Variants in BMP2K observed in about 807,000 individuals in gnomAD.
BMP2K encodes the protein BMP2 inducible kinase.
A neutral mutation model predicts 116.0 loss-of-function variants in BMP2K; 74 were observed. The observed-to-expected ratio is 0.64, with a 90% CI of 0.53 to 0.77. BMP2K has a LOEUF of 0.77. BMP2K is among the 30% of genes least tolerant of loss of function. The pLI is 0.00. For synonymous variants in BMP2K, 486 were observed against 502.5 expected, an observed-to-expected ratio of 0.97 and a Z score of 0.44; for missense variants, 1,365 against 1,403.6, an observed-to-expected ratio of 0.97 and a Z score of 0.44.
chr4:78,783,532 A>C (rs1270419427), intron 1 of BMP2K, among the ~76,000 whole-genome samples: 1 of 152,106 alleles, frequency 6.6e-6, no homozygotes, highest in Non-Finnish European at 1.5e-5. Context: ...CAGGATGGGC[A>C]TGGTGGCTCA....
chr4:78,910,950 C>G lies in BMP2K; in HGVS notation c.2403C>G (p.Ser801Arg), dbSNP rs1734559604. The change falls in exon 16 of 16, where the codon AGC (serine) becomes AGG (arginine). Residue 801 changes from serine to arginine, a missense_variant. By Grantham distance (110) the Ser-to-Arg change is moderately radical (BLOSUM62 -1). Coordinates refer to ENST00000502613, the MANE Select transcript of BMP2K (RefSeq NM_198892.2). ...ATGAGGAAGAAGAGGAGAAACATAG[C>G]TCTGATTCTGATTATGAGCAGGCTA... ...SEDEEEEEKH[S>R]SDSDYEQAKA... 5 of 1,613,576 alleles carry G rather than the reference C, an allele frequency of 3.1e-6. No homozygotes were observed. The South Asian group carries it at 5.5e-5, about 18-fold the overall frequency.
chr4:78,895,649 A>G (rs1733663771), intron 15 of BMP2K, among the ~76,000 whole-genome samples: 1 of 152,198 alleles, frequency 6.6e-6, no homozygotes, highest in Admixed American at 6.6e-5. Context: ...GTTGGGATGT[A>G]GATGGGAATT....
rs1381227532 is a variant in BMP2K, at chr4:78,911,419, C to G, written c.2872C>G (p.Pro958Ala). 2 of 1,613,998 alleles carry G rather than the reference C, an allele frequency of 1.2e-6. No individual in the cohort carries two copies. The highest frequency in any genetic ancestry group is 1.1e-5 in the South Asian group (1 of 91,086). Residue 958 changes from proline to alanine, a missense_variant, in exon 16 of 16, where the codon CCC becomes GCC. Physicochemically the swap from Pro to Ala is conservative, Grantham distance 27 (BLOSUM62 -1). Transcript: ENST00000502613. ...CAATGAGGACCTTTTTGGGCTTGTG[C>G]CCTTTGATGAAATAACGGGGAGCCA... Reference protein sequence around the residue: ...ESNEDLFGLVPFDEITGSQQQ... With the variant: ...ESNEDLFGLVAFDEITGSQQQ...
chr4:78,812,015 C>T (rs1729117481), intron 1 of BMP2K, among the ~76,000 whole-genome samples: 1 of 151,978 alleles, frequency 6.6e-6, no homozygotes, highest in South Asian at 2.1e-4. Context: ...CTCTTATCAC[C>T]CAGGCTAGAG....
At chr4:78,821,331 T>G (rs879864049) in intron 1 of BMP2K, among the ~76,000 whole-genome samples, 3 of 152,194 alleles carry the variant, frequency 2.0e-5, no homozygotes, top group Non-Finnish European at 4.4e-5. Context: ...TTAAATTGTG[T>G]GACTCCCACA....
rs760940313 is a variant in BMP2K at position 78,911,708 on chromosome 4, A to C, written c.3161A>C (p.Asp1054Ala). 6.2e-6 allele frequency: 10 copies of C among 1,613,884 alleles called. No homozygotes were observed. In the Middle Eastern group the frequency reaches 4.9e-4, roughly 80 times the overall value. The change falls in exon 16 of 16, where the codon GAT (aspartate) becomes GCT (alanine). Residue 1054 changes from aspartate to alanine, a missense_variant. Around this residue, in one of 3 missense-constraint regions of BMP2K, gnomAD observed 596 missense variants for 623.2 expected, o/e 0.96. Transcript: ENST00000502613. ...AGTGTTGCACTGACTGATGGGAAAG[A>C]TAGGGGGAATGTCTTACAACCTGAG... ...NISVALTDGKDRGNVLQPEES... is the reference protein window; with the variant it reads ...NISVALTDGKARGNVLQPEES...
chr4:78,879,865 G>T (rs1301447527), intron 14 of BMP2K: 2 of 151,984 alleles, frequency 1.3e-5, no homozygotes, highest in Non-Finnish European at 1.5e-5. Context: ...ATTTAAATTT[G>T]TATTTTATAT....
chr4:78,802,073 A>G (rs1560505895), intron 1 of BMP2K, among the ~76,000 whole-genome samples: 1 of 152,236 alleles, frequency 6.6e-6, no homozygotes, highest in Non-Finnish European at 1.5e-5. Context: ...ACTTCATTCT[A>G]GAAAGAGTTT....
chr4:78,821,640 T>G (rs1007317186), intron 1 of BMP2K, among the ~76,000 whole-genome samples: 2 of 152,126 alleles, frequency 1.3e-5, no homozygotes, highest in African/African-American at 4.8e-5. Flanking sequence ...GGGAATGGGG[T>G]AGCAAATCAA....
At chr4:78,886,520 T>C (rs1733095582) in intron 14 of BMP2K, among the ~76,000 whole-genome samples, 1 of 152,206 alleles carries the variant, frequency 6.6e-6, no homozygotes, top group African/African-American at 2.4e-5. Context: ...TTTGTTTTGT[T>C]TGACCTTACA....
chr4:78,894,445 G>A (rs1181093520), intron 15 of BMP2K, among the ~76,000 whole-genome samples: 1 of 152,170 alleles, frequency 6.6e-6, no homozygotes, highest in African/African-American at 2.4e-5. Context: ...TCTGGAGATG[G>A]CTTCTTTCCT....
intron 1 of BMP2K, among the ~76,000 whole-genome samples, chr4:78,786,474 G>A (rs1727739056): frequency 6.8e-6 from 1 of 146,146 alleles, no homozygotes; most frequent in Admixed American, 6.9e-5. Context: ...GTCTCTATTG[G>A]CTAGGCTGGA....
intron 10 of BMP2K, among the ~76,000 whole-genome samples, chr4:78,869,098 C>G (rs967843377): frequency 1.3e-5 from 2 of 152,152 alleles, no homozygotes; most frequent in African/African-American, 2.4e-5. Context: ...AGGGCCCTGC[C>G]CCTGCAGCAA....
At chr4:78,864,829 A>G (rs1731964522) in intron 9 of BMP2K, among the ~76,000 whole-genome samples, 1 of 152,170 alleles carries the variant, frequency 6.6e-6, no homozygotes, top group East Asian at 1.9e-4. Flanking sequence ...TACTTAATTT[A>G]TAGAAAGCAA....
At chr4:78,854,144 G>C (rs1345245419) in intron 7 of BMP2K, among the ~76,000 whole-genome samples, 1 of 145,302 alleles carries the variant, frequency 6.9e-6, no homozygotes, top group Non-Finnish European at 1.5e-5. Context: ...GTAAGGTAAT[G>C]ATGAACACCA....
chr4:78,840,606 C>CTT lies in BMP2K; in HGVS notation c.404-1778_404-1777insTT, dbSNP rs1730712612. ...AGTATATAATGTTTGATTTCCATATCTGACTTTTTACCTTTTTTTTAAATT... is the reference window on the plus strand; with the variant it reads ...AGTATATAATGTTTGATTTCCATATCTTTGACTTTTTACCTTTTTTTTAAATT... On this transcript the variant is annotated intron_variant, in intron 3 of 15. Transcript: ENST00000502613. 2.6e-5 allele frequency among the ~76,000 whole-genome samples: 4 copies of CTT among 152,192 alleles called. No individual in the cohort carries two copies. The South Asian group carries it at 8.3e-4, about 32-fold the overall frequency.
intron 9 of BMP2K, 46 bp downstream of exon 9, chr4:78,861,514 T>TA: frequency 6.9e-7 from 1 of 1,447,262 alleles, no homozygotes; most frequent in Middle Eastern, 1.8e-4. Flanking sequence ...AAAAAAATGA[T>TA]AGGTCTTGTT....
intron 13 of BMP2K, 48 bp downstream of exon 13, chr4:78,872,846 A>G: frequency 6.4e-7 from 1 of 1,563,220 alleles, no homozygotes; most frequent in Non-Finnish European, 8.8e-7. Flanking sequence ...TGGAAGTGGA[A>G]GTCATCGTTG....
At chr4:78,800,902 A>G (rs536298225) in intron 1 of BMP2K, among the ~76,000 whole-genome samples, 34 of 152,338 alleles carry the variant, frequency 2.2e-4, no homozygotes, top group Non-Finnish European at 4.6e-4. Context: ...GAGGATGAAT[A>G]CATTTAAACA....
Sources: gnomAD v4.1 joint callset for allele counts (sites outside exome capture counted in the v4.1 genomes callset) on GRCh38, gnomAD v4.1.1 for gene constraint, gnomAD v4.1.1 regional missense constraint, MANE v1.5 for transcripts, NCBI Gene and HGNC (gene_info 2026-07-23, HGNC 2026-07-21) for gene names.